PPP2R2B: variants seen among roughly 807,000 people sequenced by gnomAD.
PPP2R2B encodes protein phosphatase 2 regulatory subunit Bbeta.
In PPP2R2B, 5 loss-of-function variants were observed where a neutral mutation model predicts 46.0. The observed-to-expected ratio is 0.11, with a 90% CI of 0.06 to 0.23. The LOEUF (loss-of-function observed/expected upper bound fraction) is 0.23. Among genes scored for constraint, PPP2R2B ranks in the 10% least tolerant of loss-of-function variants. The probability of loss-of-function intolerance (pLI) is 1.00; values close to 1 mark genes in which losing one functional copy is unlikely to be tolerated. For synonymous variants in PPP2R2B, 215 were observed against 206.7 expected (o/e 1.04, Z -0.34); for missense variants, 367 against 575.0 (o/e 0.64, Z 3.70).
At chr5:146,754,962 C>T (rs1015061504) in intron 2 of PPP2R2B, among the ~76,000 whole-genome samples, 7 of 152,182 alleles carry the variant, frequency 4.6e-5, no homozygotes, top group African/African-American at 1.7e-4. Context: ...CCTTGGATTG[C>T]TCACTCTCAG....
chr5:146,740,196 G>A (rs1347172356), intron 2 of PPP2R2B, among the ~76,000 whole-genome samples: 1 of 152,206 alleles, frequency 6.6e-6, no homozygotes, highest in African/African-American at 2.4e-5. Flanking sequence ...TAGGTGAAAT[G>A]TTGATGTGAC....
chr5:146,910,545 T>C (rs373301224), intron 1 of PPP2R2B, among the ~76,000 whole-genome samples: 1 of 152,348 alleles, frequency 6.6e-6, no homozygotes, highest in East Asian at 1.9e-4. Flanking sequence ...TGACCATTAG[T>C]TGCCTCATCT....
chr5:147,016,165 T>C (rs1333322605), intron 1 of PPP2R2B, among the ~76,000 whole-genome samples: 2 of 151,458 alleles, frequency 1.3e-5, no homozygotes, highest in Non-Finnish European at 2.9e-5. Flanking sequence ...GCAAGATCCA[T>C]CTCTACAAAA....
At chr5:146,969,859 T>C (rs533867940) in intron 1 of PPP2R2B, among the ~76,000 whole-genome samples, 1 of 152,360 alleles carries the variant, frequency 6.6e-6, no homozygotes, top group South Asian at 2.1e-4. Flanking sequence ...AGTTCTCTTT[T>C]AGATGGATTA....
At chr5:146,856,053 C>T (rs1760643088) in intron 2 of PPP2R2B, among the ~76,000 whole-genome samples, 1 of 152,142 alleles carries the variant, frequency 6.6e-6, no homozygotes. Flanking sequence ...CCCATATTGT[C>T]TTTCTTTGCC....
chr5:146,947,140 T>C (rs1289174989), intron 1 of PPP2R2B, among the ~76,000 whole-genome samples: 2 of 152,128 alleles, frequency 1.3e-5, no homozygotes, highest in African/African-American at 4.8e-5. Flanking sequence ...GCAGATGCCT[T>C]GGTTAGTTTA....
chr5:146,810,212 G>A (rs1489312274), intron 2 of PPP2R2B, among the ~76,000 whole-genome samples: 1 of 152,146 alleles, frequency 6.6e-6, no homozygotes, highest in Non-Finnish European at 1.5e-5. Context: ...CTGAGACTGG[G>A]CAATTTACAA....
At chr5:146,880,530 G>T (rs1290971409), upstream of PPP2R2B, among the ~76,000 whole-genome samples, 1 of 152,120 alleles carries the variant, frequency 6.6e-6, no homozygotes, top group East Asian at 1.9e-4. Flanking sequence ...ATCTCTTAGT[G>T]AATCAAAATG....
At chr5:146,790,351 A>T (rs1756118000) in intron 2 of PPP2R2B, among the ~76,000 whole-genome samples, 1 of 152,134 alleles carries the variant, frequency 6.6e-6, no homozygotes, top group Non-Finnish European at 1.5e-5. Flanking sequence ...AACAGGAAAA[A>T]AGCCCTTTGC....
At chr5:146,667,763 C>T (rs1408675252) in intron 5 of PPP2R2B, among the ~76,000 whole-genome samples, 1 of 152,166 alleles carries the variant, frequency 6.6e-6, no homozygotes, top group Non-Finnish European at 1.5e-5. Flanking sequence ...AACGCCTTCT[C>T]TCTGCATGTC....
intron 1 of PPP2R2B, among the ~76,000 whole-genome samples, chr5:146,944,376 C>T (rs577046830): frequency 1.8e-4 from 28 of 152,100 alleles, no homozygotes; most frequent in African/African-American, 6.3e-4. Flanking sequence ...AAGGTAGATC[C>T]CACAACCTTA....
At chr5:146,653,662 G>A (rs1229075286) in intron 5 of PPP2R2B, among the ~76,000 whole-genome samples, 1 of 152,136 alleles carries the variant, frequency 6.6e-6, no homozygotes, top group Non-Finnish European at 1.5e-5. Flanking sequence ...GACATGGGAG[G>A]GAGCATGCAG....
At chr5:146,693,963 C>G (rs1477239544) in intron 4 of PPP2R2B, among the ~76,000 whole-genome samples, 6 of 152,178 alleles carry the variant, frequency 3.9e-5, no homozygotes, top group Non-Finnish European at 5.9e-5. Context: ...TCTTTTGCCC[C>G]TTGCTCCATT....
At chr5:147,055,571 A>T in intron 1 of PPP2R2B, 2 of 1,076,024 alleles carry the variant, frequency 1.9e-6, no homozygotes, top group South Asian at 2.6e-5. Flanking sequence ...GTCACCTAGT[A>T]GCTACAGAAA....
chr5:146,899,727 A>G (rs1762763783), intron 1 of PPP2R2B, among the ~76,000 whole-genome samples: 2 of 152,314 alleles, frequency 1.3e-5, no homozygotes, highest in Admixed American at 6.5e-5. Context: ...TAATAGAAGT[A>G]TCAGGAAGAA....
chr5:146,896,788 G>C (rs1215549085), intron 1 of PPP2R2B, among the ~76,000 whole-genome samples: 2 of 151,976 alleles, frequency 1.3e-5, no homozygotes, highest in Non-Finnish European at 2.9e-5. Flanking sequence ...GCGTTAGTGG[G>C]GGTTGTCAAT....
intron 1 of PPP2R2B, among the ~76,000 whole-genome samples, chr5:146,900,216 C>T (rs1046348086): frequency 2.6e-5 from 4 of 152,112 alleles, no homozygotes; most frequent in African/African-American, 4.8e-5. Context: ...AATAGGTCGA[C>T]CCAAGGAATA....
chr5:146,653,354 G>A (rs1776103978), intron 5 of PPP2R2B, among the ~76,000 whole-genome samples: 1 of 152,180 alleles, frequency 6.6e-6, no homozygotes, highest in Non-Finnish European at 1.5e-5. Flanking sequence ...TCATAGTAGT[G>A]TGGTAGTTAA....
intron 7 of PPP2R2B, among the ~76,000 whole-genome samples, chr5:146,614,947 T>C (rs1772983822): frequency 1.6e-5 from 2 of 123,442 alleles, no homozygotes; most frequent in Admixed American, 1.6e-4. Flanking sequence ...AGTATGGCGA[T>C]TCCTCAGGGA....
Sources: gnomAD v4.1 joint callset for allele counts (sites outside exome capture counted in the v4.1 genomes callset) on GRCh38, gnomAD v4.1.1 for gene constraint, MANE v1.5 for transcripts, NCBI Gene and HGNC (gene_info 2026-07-23, HGNC 2026-07-21) for gene names.